Variants in GPC5 observed in about 807,000 individuals in gnomAD.
GPC5 encodes glypican 5.
Under a neutral mutation model 53.9 loss-of-function variants are expected in GPC5, and 47 were observed. The ratio of observed to expected loss-of-function variants is 0.87; its 90% CI spans 0.69 to 1.11. GPC5 has a LOEUF of 1.11. Ranked by LOEUF, GPC5 falls within the 50% of genes most tolerant of loss-of-function variation. GPC5 has a pLI of 0.00. For synonymous variants in GPC5, 286 were observed against 263.3 expected (o/e 1.09, Z -0.84); for missense variants, 748 against 713.1 (o/e 1.05, Z -0.56).
intron 7 of GPC5, among the ~76,000 whole-genome samples, chr13:92,559,382 G>A (rs145444444): frequency 6.6e-6 from 1 of 150,994 alleles, no homozygotes; most frequent in Admixed American, 6.6e-5. Context: ...GGGTGTGGGG[G>A]CGCGGGTGTA....
chr13:92,644,342 C>A (rs1161461511), intron 7 of GPC5, among the ~76,000 whole-genome samples: 2 of 152,066 alleles, frequency 1.3e-5, no homozygotes, highest in African/African-American at 4.8e-5. Context: ...TGGAAACTAG[C>A]AAAATTGGAA....
At chr13:92,548,362 G>A (rs1476557166) in intron 7 of GPC5, among the ~76,000 whole-genome samples, 8 of 150,888 alleles carry the variant, frequency 5.3e-5, no homozygotes, top group Non-Finnish European at 1.2e-4. Flanking sequence ...CATATACTAG[G>A]CAATACCTGT....
chr13:92,116,958 G>T (rs560078008), intron 6 of GPC5, among the ~76,000 whole-genome samples: 1 of 152,214 alleles, frequency 6.6e-6, no homozygotes, highest in Non-Finnish European at 1.5e-5. Flanking sequence ...TCAGATGTGT[G>T]ATTTGCAAAT....
At chr13:91,984,902 C>T (rs540082774) in intron 6 of GPC5, among the ~76,000 whole-genome samples, 3 of 152,248 alleles carry the variant, frequency 2.0e-5, no homozygotes, top group African/African-American at 7.2e-5. Flanking sequence ...ATATAATCTA[C>T]CTTGGTAAAT....
At chr13:92,232,341 C>A (rs1370699800) in intron 7 of GPC5, among the ~76,000 whole-genome samples, 1 of 152,086 alleles carries the variant, frequency 6.6e-6, no homozygotes, top group African/African-American at 2.4e-5. Context: ...AGTCAAATTA[C>A]TATGTTTTAA....
chr13:91,988,329 C>T lies in GPC5; in HGVS notation c.1401+80272C>T, dbSNP rs371821155. Reference sequence around the variant, plus strand: ...GTCAAGGAGACACAGAGAGAGAATTCAGAATTGTTCTGGGTTGGAATTCTG... The same window carrying T: ...GTCAAGGAGACACAGAGAGAGAATTTAGAATTGTTCTGGGTTGGAATTCTG... On this transcript the variant is annotated intron_variant, in intron 6 of 7. Transcript: ENST00000377067. 1.2e-4 allele frequency among the ~76,000 whole-genome samples: 19 copies of T among 152,244 alleles called. No individual in the cohort carries two copies. The East Asian group carries it at 3.3e-3, about 26-fold the overall frequency.
chr13:91,596,696 A>G (rs1353404982), intron 2 of GPC5, among the ~76,000 whole-genome samples: 4 of 152,052 alleles, frequency 2.6e-5, no homozygotes, highest in African/African-American at 9.7e-5. Flanking sequence ...TATGTTTAGT[A>G]TAAGGTTAAT....
intron 2 of GPC5, among the ~76,000 whole-genome samples, chr13:91,453,975 T>C (rs1056465662): frequency 6.6e-6 from 1 of 152,092 alleles, no homozygotes; most frequent in Non-Finnish European, 1.5e-5. Context: ...TATTAATTTC[T>C]AAACTATAAA....
In GPC5 at chr13:92,641,039, C is replaced by A. The variant is rs557659430; in HGVS notation, c.1562-225243C>A. On this transcript the variant is annotated intron_variant, in intron 7 of 7. Coordinates refer to ENST00000377067, the MANE Select transcript of GPC5 (RefSeq NM_004466.6). The stretch of plus-strand genomic sequence containing the variant: ...GCAACCATGGTGGTAAAGAATAATT[C>A]AGGCAAGAAATATCACGAGAATACT... Among the ~76,000 whole-genome samples, 8 of 152,168 alleles carry A rather than the reference C, an allele frequency of 5.3e-5. No homozygotes were observed. In the South Asian group the frequency reaches 1.5e-3, roughly 28 times the overall value.
intron 3 of GPC5, among the ~76,000 whole-genome samples, chr13:91,711,413 T>C (rs201402624): frequency 6.6e-6 from 1 of 151,808 alleles, no homozygotes; most frequent in South Asian, 2.1e-4. Flanking sequence ...ATGAGAACAC[T>C]TGGACACAGG....
At chr13:92,506,108 T>C (rs550983081) in intron 7 of GPC5, among the ~76,000 whole-genome samples, 1 of 152,256 alleles carries the variant, frequency 6.6e-6, no homozygotes, top group East Asian at 1.9e-4. Flanking sequence ...GTCAATTTTA[T>C]TGAGTATTAA....
At chr13:92,506,035 A>G (rs1437629722) in intron 7 of GPC5, among the ~76,000 whole-genome samples, 1 of 152,144 alleles carries the variant, frequency 6.6e-6, no homozygotes, top group Admixed American at 6.6e-5. Context: ...TTCTTTTCGG[A>G]GTTGGTGGCT....
chr13:92,370,560 A>G (rs977978475), intron 7 of GPC5, among the ~76,000 whole-genome samples: 2 of 152,016 alleles, frequency 1.3e-5, no homozygotes, highest in African/African-American at 4.8e-5. Flanking sequence ...AATCATCTCT[A>G]TCTAATATTC....
At chr13:92,575,762 T>A (rs1184274577) in intron 7 of GPC5, among the ~76,000 whole-genome samples, 1 of 152,174 alleles carries the variant, frequency 6.6e-6, no homozygotes, top group Non-Finnish European at 1.5e-5. Flanking sequence ...CCGGTTTCAG[T>A]CTGCAATGAA....
At chr13:92,829,855 TAGAGA>T (rs1877990727) in intron 7 of GPC5, among the ~76,000 whole-genome samples, 2 of 152,076 alleles carry the variant, frequency 1.3e-5, no homozygotes, top group Non-Finnish European at 2.9e-5. Context: ...CAAAAGTAGA[TAGAGA>T]AAAGATTGCT....
At chr13:92,097,678 G>C (rs2041432891) in intron 6 of GPC5, among the ~76,000 whole-genome samples, 1 of 152,168 alleles carries the variant, frequency 6.6e-6, no homozygotes, top group East Asian at 1.9e-4. Context: ...TATTCTTTGA[G>C]AATGTTATAT....
rs549038235 is a variant in GPC5 at position 92,731,438 on chromosome 13, A to G, written c.1562-134844A>G. Among the ~76,000 whole-genome samples, 11 of 151,648 alleles carry G rather than the reference A, an allele frequency of 7.3e-5. No homozygotes were observed. The Admixed American group carries it at 7.3e-4, about 10-fold the overall frequency. The stretch of plus-strand genomic sequence containing the variant: ...CTGGGGGAAATATATTCATGAACAT[A>G]TAAGTAATAAGCAAATACTTTGCAA... On this transcript the variant is annotated intron_variant, in intron 7 of 7. Coordinates refer to ENST00000377067, the MANE Select transcript of GPC5 (RefSeq NM_004466.6).
intron 6 of GPC5, among the ~76,000 whole-genome samples, chr13:92,006,741 A>G (rs576660331): frequency 1.2e-3 from 176 of 152,302 alleles, no homozygotes; most frequent in Non-Finnish European, 2.1e-3. Context: ...ATGAAGAGAG[A>G]GAGACACACA....
intron 6 of GPC5, among the ~76,000 whole-genome samples, chr13:92,031,721 G>GTAATATATTACATATCATATATAATATA (rs1566403091): frequency 2.9e-4 from 3 of 10,468 alleles, no homozygotes; most frequent in African/African-American, 8.9e-4. Context: ...TTACATATAT[G>GTAATATATTACATATCATATATAATATA]TAATATATTA....
Sources: gnomAD v4.1 joint callset for allele counts (sites outside exome capture counted in the v4.1 genomes callset) on GRCh38, gnomAD v4.1.1 for gene constraint, MANE v1.5 for transcripts, NCBI Gene and HGNC (gene_info 2026-07-23, HGNC 2026-07-21) for gene names.